PRKD1: variants seen among roughly 807,000 people sequenced by gnomAD.
PRKD1 encodes protein kinase D1.
In PRKD1, 63 loss-of-function variants were observed where a neutral mutation model predicts 95.9. The observed-to-expected ratio is 0.66, with a 90% CI of 0.54 to 0.81. The LOEUF is 0.81. Among genes scored for constraint, PRKD1 ranks in the 30% least tolerant of loss-of-function variants. The pLI is 0.00. For missense variants in PRKD1, 1,048 were observed against 1,165.3 expected, an observed-to-expected ratio of 0.90 and a Z score of 1.47; for synonymous variants, 425 against 423.1, an observed-to-expected ratio of 1.00 and a Z score of -0.05.
intron 1 of PRKD1, among the ~76,000 whole-genome samples, chr14:29,741,431 T>C (rs1459510967): frequency 5.3e-5 from 8 of 152,196 alleles, no homozygotes; most frequent in African/African-American, 1.9e-4. Flanking sequence ...TGTTTATTAC[T>C]TCATTGACTA....
At position 29,599,066 on chromosome 14, in the gene PRKD1, T is replaced by C. The variant is rs1486773088; in HGVS notation, c.2127A>G (p.Pro709=). The C allele has an allele frequency of 3.7e-6, 6 of 1,613,908 alleles. No homozygotes were observed. The highest frequency in any genetic ancestry group is 5.1e-6 in the Non-Finnish European group (6 of 1,179,830). Residue 709 remains proline, a synonymous_variant, in exon 15 of 18, where the codon CCA becomes CCG. Transcript: ENST00000331968. Reference sequence around the variant, plus strand: ...CAGCTGAGGCTAGCAACACATTTTCTGGTTTGAGGTCACAGTGAACGATAT... The same window carrying C: ...CAGCTGAGGCTAGCAACACATTTTCCGGTTTGAGGTCACAGTGAACGATAT... ...FKNIVHCDLK[P]ENVLLASADP...
intron 1 of PRKD1, among the ~76,000 whole-genome samples, chr14:29,877,571 T>C (rs1173085298): frequency 2.0e-5 from 3 of 152,262 alleles, no homozygotes; most frequent in African/African-American, 7.2e-5. Flanking sequence ...CCAGTTTCTA[T>C]GTCCAGAATG....
intron 2 of PRKD1, 103 bp from the exon 3 acceptor site, chr14:29,666,311 A>T: frequency 3.3e-6 from 4 of 1,213,006 alleles, no homozygotes; most frequent in Non-Finnish European, 4.4e-6. Context: ...ATAACTCCCT[A>T]GGCAAAGTTA....
intron 1 of PRKD1, among the ~76,000 whole-genome samples, chr14:29,758,130 C>A (rs1416396995): frequency 6.7e-6 from 1 of 148,906 alleles, no homozygotes; most frequent in Non-Finnish European, 1.5e-5. Context: ...AGTTTCCTAA[C>A]GGAGTAAATA....
intron 1 of PRKD1, among the ~76,000 whole-genome samples, chr14:29,827,382 G>C (rs1188308579): frequency 6.6e-6 from 1 of 152,038 alleles, no homozygotes; most frequent in Non-Finnish European, 1.5e-5. Flanking sequence ...GGGAGTTATG[G>C]TTAGATGGCA....
At chr14:29,688,920 G>A (rs1470945721) in intron 2 of PRKD1, among the ~76,000 whole-genome samples, 3 of 125,102 alleles carry the variant, frequency 2.4e-5, no homozygotes, top group African/African-American at 6.5e-5. Flanking sequence ...CTGCACTCCA[G>A]CCTGGGTGAT....
At chr14:29,835,973 T>C (rs1891596201) in intron 1 of PRKD1, among the ~76,000 whole-genome samples, 1 of 152,118 alleles carries the variant, frequency 6.6e-6, no homozygotes, top group South Asian at 2.1e-4. Context: ...ATATAATGTA[T>C]TAAAAGTAAA....
chr14:29,906,747 C>T (rs1421833830), intron 1 of PRKD1, among the ~76,000 whole-genome samples: 1 of 152,206 alleles, frequency 6.6e-6, no homozygotes. Context: ...CCCTGTCAGC[C>T]CATCTGAGTT....
intron 1 of PRKD1, among the ~76,000 whole-genome samples, chr14:29,770,717 A>G (rs1334021391): frequency 6.6e-6 from 1 of 152,200 alleles, no homozygotes; most frequent in Non-Finnish European, 1.5e-5. Flanking sequence ...CTGTAATCCC[A>G]GCACTTTGGG....
intron 13 of PRKD1, among the ~76,000 whole-genome samples, chr14:29,611,863 TGAA>T (rs1878494240): frequency 6.6e-6 from 1 of 151,936 alleles, no homozygotes; most frequent in Non-Finnish European, 1.5e-5. Flanking sequence ...TGTCTGGAAA[TGAA>T]GACATATGGA....
At chr14:29,834,024 C>T (rs959307961) in intron 1 of PRKD1, among the ~76,000 whole-genome samples, 13 of 152,232 alleles carry the variant, frequency 8.5e-5, no homozygotes, top group African/African-American at 2.6e-4. Context: ...TGATGGAGAT[C>T]CCCTCCACAG....
chr14:29,760,467 C>T (rs1176771816), intron 1 of PRKD1, among the ~76,000 whole-genome samples: 2 of 151,480 alleles, frequency 1.3e-5, no homozygotes, highest in African/African-American at 4.9e-5. Context: ...GCGATTCTCC[C>T]GCCTCAGCCT....
At chr14:29,890,281 A>C (rs959754634) in intron 1 of PRKD1, among the ~76,000 whole-genome samples, 34 of 152,158 alleles carry the variant, frequency 2.2e-4, no homozygotes, top group African/African-American at 8.2e-4. Flanking sequence ...ACCTGTTATA[A>C]TTAAAGCAAT....
At chr14:29,651,644 ATCTT>A (rs1333451436) in intron 4 of PRKD1, among the ~76,000 whole-genome samples, 2 of 150,854 alleles carry the variant, frequency 1.3e-5, no homozygotes, top group African/African-American at 2.4e-5. Flanking sequence ...TTCTATAGAA[ATCTT>A]TCTTTTTTTT....
intron 2 of PRKD1, among the ~76,000 whole-genome samples, chr14:29,677,564 TC>T (rs1883302772): frequency 6.6e-6 from 1 of 152,116 alleles, no homozygotes; most frequent in African/African-American, 2.4e-5. Flanking sequence ...GTAAAGGCAG[TC>T]CTGTTTTTTG....
chr14:29,857,282 A>G (rs148982547), intron 1 of PRKD1, among the ~76,000 whole-genome samples: 1 of 152,282 alleles, frequency 6.6e-6, no homozygotes, highest in Admixed American at 6.5e-5. Flanking sequence ...CCCTATCCAC[A>G]CTACCCTCAT....
chr14:29,577,494 T>C (rs764698773), intron 17 of PRKD1, 38 bp from the exon 18 acceptor site: 1 of 1,565,184 alleles, frequency 6.4e-7, no homozygotes, highest in Non-Finnish European at 8.8e-7. Context: ...ATAGAGATCA[T>C]TACAACTCAA....
intron 16 of PRKD1, among the ~76,000 whole-genome samples, chr14:29,582,997 A>C (rs1250997038): frequency 1.3e-5 from 2 of 152,144 alleles, no homozygotes; most frequent in Admixed American, 6.5e-5. Flanking sequence ...GAAATGTCAT[A>C]ATCTGGCACA....
At chr14:29,865,132 A>T (rs1892844878) in intron 1 of PRKD1, among the ~76,000 whole-genome samples, 1 of 152,186 alleles carries the variant, frequency 6.6e-6, no homozygotes, top group South Asian at 2.1e-4. Context: ...CTGGACACTA[A>T]TATGCAAGAT....
Sources: gnomAD v4.1 joint callset for allele counts (sites outside exome capture counted in the v4.1 genomes callset) on GRCh38, gnomAD v4.1.1 for gene constraint, MANE v1.5 for transcripts, NCBI Gene and HGNC (gene_info 2026-07-23, HGNC 2026-07-21) for gene names.